SPAG16: variants seen among roughly 807,000 people sequenced by gnomAD.
SPAG16 encodes sperm associated antigen 16.
In SPAG16, 86 loss-of-function variants were observed where a neutral mutation model predicts 80.4. The observed-to-expected ratio is 1.07, with a 90% CI of 0.90 to 1.28. The LOEUF is 1.28. Among genes scored for constraint, SPAG16 ranks in the 50% most tolerant of loss-of-function variants. The pLI is 0.00. For synonymous variants in SPAG16, 294 were observed against 265.9 expected (o/e 1.11, Z -1.03); for missense variants, 870 against 765.3 (o/e 1.14, Z -1.61).
intron 11 of SPAG16, among the ~76,000 whole-genome samples, chr2:213,915,724 T>C (rs7578018): frequency 0.59 from 89,879 of 152,016 alleles, 28,201 homozygotes; most frequent in South Asian, 0.84. Flanking sequence ...TGAACTAATT[T>C]ACACACCCAT....
intron 14 of SPAG16, among the ~76,000 whole-genome samples, chr2:214,145,723 C>G (rs552611900): frequency 4.1e-4 from 62 of 152,104 alleles, no homozygotes; most frequent in Non-Finnish European, 7.4e-4. Context: ...TAATTAAATT[C>G]ATTTGAGTCT....
chr2:213,820,813 A>G (rs2072892186), intron 10 of SPAG16, among the ~76,000 whole-genome samples: 1 of 152,090 alleles, frequency 6.6e-6, no homozygotes, highest in African/African-American at 2.4e-5. Flanking sequence ...TACTAATTGT[A>G]TAAAATTAGT....
rs2048187485 is a variant in SPAG16, at chr2:214,027,390, A to G, written c.1527+13313A>G. 2.6e-5 allele frequency among the ~76,000 whole-genome samples: 4 copies of G among 151,700 alleles called. No homozygotes were observed. The South Asian group carries it at 8.3e-4, about 31-fold the overall frequency. ...TAGATGTATCACTGTTTGCTTGGAC[A>G]GTCTTTTCCTATGAATATTTGGATG... On this transcript the variant is annotated intron_variant, in intron 13 of 15. Coordinates refer to ENST00000331683, the MANE Select transcript of SPAG16 (RefSeq NM_024532.5).
At chr2:214,078,011 AC>A (rs1411804829) in intron 13 of SPAG16, among the ~76,000 whole-genome samples, 1 of 152,094 alleles carries the variant, frequency 6.6e-6, no homozygotes, top group Non-Finnish European at 1.5e-5. Flanking sequence ...ATTAATCCTT[AC>A]TTTAGCCTCT....
chr2:213,701,134 G>A (rs904944528), intron 10 of SPAG16, among the ~76,000 whole-genome samples: 1 of 152,176 alleles, frequency 6.6e-6, no homozygotes, highest in Non-Finnish European at 1.5e-5. Flanking sequence ...CAGCTACTCA[G>A]GAGGCTGAGG....
intron 9 of SPAG16, among the ~76,000 whole-genome samples, chr2:213,416,811 G>C (rs146127237): frequency 1.3e-5 from 2 of 152,132 alleles, no homozygotes; most frequent in Admixed American, 1.3e-4. Flanking sequence ...AAGACAGGGG[G>C]CACAGTAAAC....
chr2:213,385,461 G>A (rs934757130), intron 9 of SPAG16, among the ~76,000 whole-genome samples: 2 of 152,068 alleles, frequency 1.3e-5, no homozygotes, highest in Non-Finnish European at 2.9e-5. Flanking sequence ...ATGTACTGTC[G>A]TGGAACCCAT....
At chr2:213,590,734 A>G (rs2060658308) in intron 10 of SPAG16, among the ~76,000 whole-genome samples, 1 of 152,214 alleles carries the variant, frequency 6.6e-6, no homozygotes, top group African/African-American at 2.4e-5. Flanking sequence ...CTGTGAAAGC[A>G]GTTTGGAGAT....
At chr2:213,365,608 C>T (rs996212845) in intron 8 of SPAG16, among the ~76,000 whole-genome samples, 1 of 151,480 alleles carries the variant, frequency 6.6e-6, no homozygotes, top group Non-Finnish European at 1.5e-5. Context: ...CAGGCATGTG[C>T]CACCATGACT....
chr2:214,018,602 A>G (rs182191452), intron 13 of SPAG16, among the ~76,000 whole-genome samples: 2 of 152,250 alleles, frequency 1.3e-5, no homozygotes, highest in East Asian at 3.9e-4. Flanking sequence ...AATTTTTAAA[A>G]TATGTTAATT....
At chr2:214,292,506 AT>A (rs938076371) in intron 15 of SPAG16, among the ~76,000 whole-genome samples, 1 of 151,740 alleles carries the variant, frequency 6.6e-6, no homozygotes, top group Non-Finnish European at 1.5e-5. Flanking sequence ...AGTATTTCTG[AT>A]TTTTTTTAAA....
chr2:214,296,351 C>T (rs1318676158), intron 15 of SPAG16, among the ~76,000 whole-genome samples: 3 of 152,292 alleles, frequency 2.0e-5, no homozygotes, highest in African/African-American at 7.2e-5. Context: ...CTGCAATAAA[C>T]ATGTGAGTAT....
chr2:214,155,407 G>T (rs2056169996), intron 15 of SPAG16, among the ~76,000 whole-genome samples: 1 of 152,066 alleles, frequency 6.6e-6, no homozygotes, highest in African/African-American at 2.4e-5. Flanking sequence ...ACACAACCTC[G>T]CTTATTTATT....
At chr2:213,341,172 A>G (rs561564465) in intron 6 of SPAG16, among the ~76,000 whole-genome samples, 70 of 152,296 alleles carry the variant, frequency 4.6e-4, no homozygotes, top group Middle Eastern at 3.4e-3. Context: ...TCATTTAATC[A>G]TTAAGAAAAA....
intron 12 of SPAG16, among the ~76,000 whole-genome samples, chr2:213,971,988 T>C (rs2045090045): frequency 6.6e-6 from 1 of 151,796 alleles, no homozygotes. Context: ...TATATATTTA[T>C]GGGGCATATA....
chr2:213,310,004 CATT>C, intron 3 of SPAG16, 52 bp from the exon 4 acceptor site: 1 of 1,148,248 alleles, frequency 8.7e-7, no homozygotes, highest in Non-Finnish European at 1.3e-6. Context: ...TTATCTATAT[CATT>C]AATTAATGCT....
At chr2:213,411,455 A>C (rs1433176539) in intron 9 of SPAG16, among the ~76,000 whole-genome samples, 2 of 152,252 alleles carry the variant, frequency 1.3e-5, no homozygotes, top group African/African-American at 2.4e-5. Flanking sequence ...AATTAGGGCC[A>C]CTAGCCAGAT....
intron 10 of SPAG16, among the ~76,000 whole-genome samples, chr2:213,691,413 T>A (rs567803282): frequency 6.6e-6 from 1 of 152,280 alleles, no homozygotes; most frequent in South Asian, 2.1e-4. Context: ...GGCACCTTGA[T>A]CAATAACCTC....
intron 12 of SPAG16, among the ~76,000 whole-genome samples, chr2:214,001,054 A>G (rs1015933220): frequency 7.2e-5 from 11 of 152,206 alleles, no homozygotes; most frequent in African/African-American, 2.7e-4. Context: ...AGGAAAACAG[A>G]CATAAAATTT....
Sources: gnomAD v4.1 joint callset for allele counts (sites outside exome capture counted in the v4.1 genomes callset) on GRCh38, gnomAD v4.1.1 for gene constraint, MANE v1.5 for transcripts, NCBI Gene and HGNC (gene_info 2026-07-23, HGNC 2026-07-21) for gene names.